The following LGR4 variants were observed in gnomAD, a reference collection of about 807,000 sequenced individuals.
LGR4 encodes the protein leucine rich repeat containing G protein-coupled receptor 4, also known as leucine-rich repeat-containing G protein-coupled receptor 4.
Under a neutral mutation model 84.8 loss-of-function variants are expected in LGR4, and 44 were observed. The ratio of observed to expected loss-of-function variants is 0.52; its 90% CI spans 0.41 to 0.67. The LOEUF (loss-of-function observed/expected upper bound fraction) is 0.67. LGR4 is among the 30% of genes least tolerant of loss of function. LGR4 has a pLI of 0.00. For synonymous variants in LGR4, 429 were observed against 434.3 expected (o/e 0.99, Z 0.15); for missense variants, 1,032 against 1,131.4 (o/e 0.91, Z 1.26).
rs753491752 is a variant in LGR4 at position 27,392,524 on chromosome 11, GAA to G, written c.258-8_258-7del. On this transcript the variant is annotated splice_region_variant and splice_polypyrimidine_tract_variant and intron_variant, in intron 2 of 17. Transcript: ENST00000379214. ...GGTCGTTGCCCGCCAATTGTCTAGA[GAA>G]AAAAAAAAAAAAAGTAGCAAGAAAA... 0.065 allele frequency: 79,325 copies of G among 1,228,408 alleles called. 604 individuals carry two copies. Among genetic ancestry groups the G allele is most frequent in the Non-Finnish European group, 0.07 (65,691 of 939,228 alleles). 76.1% of individuals were successfully genotyped at this position (1,228,408 alleles called of 1,614,324 possible).
chr11:27,429,353 C>G (rs1864076346), intron 1 of LGR4, among the ~76,000 whole-genome samples: 1 of 151,890 alleles, frequency 6.6e-6, no homozygotes, highest in Non-Finnish European at 1.5e-5. Flanking sequence ...GGCATGGTGG[C>G]AGGTACCTGT....
intron 1 of LGR4, among the ~76,000 whole-genome samples, chr11:27,417,903 T>C (rs1863850279): frequency 1.3e-5 from 2 of 152,188 alleles, no homozygotes; most frequent in South Asian, 4.1e-4. Context: ...GTCTAATATA[T>C]ATCAATGCTA....
intron 1 of LGR4, among the ~76,000 whole-genome samples, chr11:27,433,824 C>T (rs1000547437): frequency 2.2e-4 from 33 of 152,274 alleles, no homozygotes; most frequent in African/African-American, 7.9e-4. Flanking sequence ...AAAATGGAGT[C>T]CAATTCCCAT....
chr11:27,374,461 A>T (rs1033773219), intron 13 of LGR4, among the ~76,000 whole-genome samples: 2 of 152,186 alleles, frequency 1.3e-5, no homozygotes, highest in Non-Finnish European at 2.9e-5. Context: ...GCCCCGAGAG[A>T]AGACAAACAA....
chr11:27,437,334 T>C (rs1864229534), intron 1 of LGR4, among the ~76,000 whole-genome samples: 1 of 152,158 alleles, frequency 6.6e-6, no homozygotes, highest in Non-Finnish European at 1.5e-5. Flanking sequence ...GAAAAGAAAT[T>C]ATAATTATCC....
intron 1 of LGR4, among the ~76,000 whole-genome samples, chr11:27,461,119 T>C (rs1051855971): frequency 1.3e-5 from 2 of 152,168 alleles, no homozygotes; most frequent in Non-Finnish European, 2.9e-5. Context: ...TTAAAATATG[T>C]AATACTTTAA....
At chr11:27,455,838 C>G (rs541117857) in intron 1 of LGR4, among the ~76,000 whole-genome samples, 1 of 152,302 alleles carries the variant, frequency 6.6e-6, no homozygotes, top group African/African-American at 2.4e-5. Flanking sequence ...CCTCTCATTA[C>G]TAGTGGTAAT....
intron 15 of LGR4, among the ~76,000 whole-genome samples, chr11:27,372,614 T>C (rs1442149300): frequency 6.6e-6 from 1 of 152,182 alleles, no homozygotes; most frequent in East Asian, 1.9e-4. Flanking sequence ...TCCCTTTCTA[T>C]AAGATCTCTC....
chr11:27,448,404 T>C (rs541054566), intron 1 of LGR4, among the ~76,000 whole-genome samples: 68 of 152,080 alleles, frequency 4.5e-4, no homozygotes, highest in African/African-American at 1.5e-3. Flanking sequence ...GCAATTCTCC[T>C]GCCTCAGCCT....
chr11:27,446,434 A>G (rs1864391735), intron 1 of LGR4, among the ~76,000 whole-genome samples: 3 of 152,346 alleles, frequency 2.0e-5, no homozygotes, highest in Admixed American at 1.3e-4. Context: ...ACATGAAAAA[A>G]TTCTCATCAT....
chr11:27,423,683 G>T (rs1863965994), intron 1 of LGR4, among the ~76,000 whole-genome samples: 1 of 152,194 alleles, frequency 6.6e-6, no homozygotes, highest in African/African-American at 2.4e-5. Context: ...CAGCAGAGAA[G>T]AGGCTATGCC....
chr11:27,386,814 G>A (rs1285658846), intron 4 of LGR4, among the ~76,000 whole-genome samples: 2 of 152,200 alleles, frequency 1.3e-5, no homozygotes, highest in Admixed American at 1.3e-4. Context: ...AAAAGGGAGA[G>A]CTTAGGATAT....
intron 6 of LGR4, among the ~76,000 whole-genome samples, chr11:27,382,836 G>C (rs1863122517): frequency 6.6e-6 from 1 of 152,066 alleles, no homozygotes; most frequent in Admixed American, 6.6e-5. Context: ...GGCCAACATA[G>C]TGAAAACCCA....
At chr11:27,449,316 C>T (rs1054605974) in intron 1 of LGR4, among the ~76,000 whole-genome samples, 7 of 152,278 alleles carry the variant, frequency 4.6e-5, no homozygotes, top group South Asian at 4.1e-4. Context: ...GGCGAGATGG[C>T]TCATGCCTGT....
chr11:27,423,451 C>T (rs1457338345), intron 1 of LGR4, among the ~76,000 whole-genome samples: 1 of 151,698 alleles, frequency 6.6e-6, no homozygotes, highest in Non-Finnish European at 1.5e-5. Flanking sequence ...ACCCCACACA[C>T]ACTCTCTCTC....
chr11:27,453,514 ATT>A (rs1864521325), intron 1 of LGR4, among the ~76,000 whole-genome samples: 1 of 151,894 alleles, frequency 6.6e-6, no homozygotes, highest in African/African-American at 2.4e-5. Flanking sequence ...ATCTTGCTTT[ATT>A]TTCCTTGATG....
Position 27,380,640 on chromosome 11 carries a change from A to C in LGR4, c.902T>G (p.Leu301Arg). ...AFHNLSDLHS[L>R]VIRGASMVQQ... ...TTTGTTTTTAAATTCACATACTTAC[A>C]GGGAATGAAGATCAGATAAATTGTG... The change falls in exon 9 of 18, where the codon CTA (leucine) becomes CGA (arginine). Residue 301 changes from leucine to arginine, a missense_variant and splice_region_variant. Physicochemically the swap from Leu to Arg is moderately radical, Grantham distance 102. Transcript: ENST00000379214. 1.3e-6 allele frequency: 2 copies of C among 1,552,056 alleles called. No homozygotes were observed. Among genetic ancestry groups the C allele is most frequent in the Non-Finnish European group, 1.8e-6 (2 of 1,126,246 alleles).
intron 1 of LGR4, among the ~76,000 whole-genome samples, chr11:27,466,863 A>G (rs1201236705): frequency 6.6e-6 from 1 of 152,018 alleles, no homozygotes; most frequent in Non-Finnish European, 1.5e-5. Flanking sequence ...GGTTCACTGC[A>G]ACCTCTACCT....
chr11:27,384,144 T>C (rs1565074001), intron 6 of LGR4, 192 bp downstream of exon 6: 1 of 496,614 alleles, frequency 2.0e-6, no homozygotes, highest in Non-Finnish European at 3.5e-6. Flanking sequence ...ATTCACACTT[T>C]GCCATTTTTA....
Sources: gnomAD v4.1 joint callset for allele counts (sites outside exome capture counted in the v4.1 genomes callset) on GRCh38, gnomAD v4.1.1 for gene constraint, MANE v1.5 for transcripts, NCBI Gene and HGNC (gene_info 2026-07-23, HGNC 2026-07-21) for gene names.